The following RGS14 variants were observed in gnomAD, a reference collection of about 807,000 sequenced individuals.
The protein encoded by RGS14 is regulator of G-protein signaling 14.
Under a neutral mutation model 63.8 loss-of-function variants are expected in RGS14, and 33 were observed. The observed-to-expected ratio is 0.52, with a 90% confidence interval of 0.39 to 0.69. RGS14 has a LOEUF of 0.69. Ranked by LOEUF, RGS14 falls within the 30% of genes least tolerant of loss-of-function variation. The pLI, the probability that RGS14 is intolerant of heterozygous loss-of-function variation, is 0.00. For missense variants in RGS14, 739 were observed against 742.9 expected (o/e 0.99, Z 0.06); for synonymous variants, 296 against 320.9 (o/e 0.92, Z 0.83).
intron 10 of RGS14, 49 bp downstream of exon 10, chr5:177,370,713 C>T (rs1208002153): frequency 6.3e-7 from 1 of 1,598,038 alleles, no homozygotes; most frequent in Non-Finnish European, 8.6e-7. Flanking sequence ...ACGCTCCCTT[C>T]AGGCCCTGTT....
rs1761884868 is a variant in RGS14 at position 177,358,689 on chromosome 5, C to T, written c.45+620C>T. 6.6e-6 allele frequency among the ~76,000 whole-genome samples: 1 copy of T among 152,236 alleles called. No individual in the cohort carries two copies. Among genetic ancestry groups the T allele is most frequent in the Non-Finnish European group, 1.5e-5 (1 of 68,038 alleles). ...GGCTGCAGCTGCCCCACCCCTTAAC[C>T]CTCTCCCTGGCTGCTTAGCCCCAGA... On this transcript the variant is annotated intron_variant, in intron 1 of 14. Coordinates refer to ENST00000408923, the MANE Select transcript of RGS14 (RefSeq NM_006480.5). This position sits in a 1 kb window ranked among gnomAD's most constrained non-coding sequence, Gnocchi z 4.8.
rs1762251870 is a variant in RGS14 at position 177,371,099 on chromosome 5, G to GGGCCGGGGCCGGGGCC, written c.1255-64_1255-63insCCGGGGCCGGGGCCGG. On this transcript the variant is annotated intron_variant, in intron 11 of 14. Coordinates refer to ENST00000408923, the MANE Select transcript of RGS14 (RefSeq NM_006480.5). This position sits in a 1 kb window ranked among gnomAD's most constrained non-coding sequence, Gnocchi z 6.1. ...CGGGGCCGGGGCCGGGGCCGGGGCC[G>GGGCCGGGGCCGGGGCC]GGGCCGGGGCCGGGGCCGGGGCCGG... 4 of 915,088 alleles carry GGGCCGGGGCCGGGGCC rather than the reference G, an allele frequency of 4.4e-6. No individual in the cohort carries two copies. In the African/African-American group the frequency reaches 9.4e-5, roughly 22 times the overall value. The allele number at this position is 915,088 out of a possible 1,614,324, so 56.7% of individuals were successfully genotyped here. A position where few individuals can be genotyped will look rare whatever the true frequency, so the allele number is the denominator to read the frequency against.
chr5:177,367,908 G>T, intron 7 of RGS14, 83 bp downstream of exon 7: 2 of 1,457,990 alleles, frequency 1.4e-6, no homozygotes, highest in South Asian at 1.4e-5. Flanking sequence ...CTCCTACGTG[G>T]CCCACAGTCT....
chr5:177,371,041 C>G lies in RGS14; in HGVS notation c.1254+10C>G. The stretch of plus-strand genomic sequence containing the variant: ...GGTGGTGCTGCACCGGGTGAGCTTC[C>G]GGGCCGCGGGGCGGGGCGGGGCGGG... On this transcript the variant is annotated intron_variant, in intron 11 of 14. Transcript: ENST00000408923. This position sits in a 1 kb window ranked among gnomAD's most constrained non-coding sequence, Gnocchi z 6.1. 1.4e-6 allele frequency: 2 copies of G among 1,386,804 alleles called. No homozygotes were observed. The highest frequency in any genetic ancestry group is 1.9e-6 in the Non-Finnish European group (2 of 1,074,584). The allele number at this position is 1,386,804 out of a possible 1,614,324, so 85.9% of individuals were successfully genotyped here.
Position 177,371,057 on chromosome 5 carries a change from GCGGGGCGGGGC to G in RGS14, c.1254+31_1254+41del. 1.1e-5 allele frequency: 13 copies of G among 1,142,590 alleles called. No homozygotes were observed. The highest frequency in any genetic ancestry group is 4.8e-5 in the South Asian group (2 of 41,542). The allele number at this position is 1,142,590 out of a possible 1,614,324, so 70.8% of individuals were successfully genotyped here. The stretch of plus-strand genomic sequence containing the variant: ...GTGAGCTTCCGGGCCGCGGGGCGGG[GCGGGGCGGGGC>G]CGGGCCGGGGCCGGGGCCGGGGCCG... On this transcript the variant is annotated intron_variant, in intron 11 of 14. Transcript: ENST00000408923. The surrounding 1 kb of genome is among the most constrained non-coding windows in gnomAD (Gnocchi z 6.1).
intron 1 of RGS14, among the ~76,000 whole-genome samples, chr5:177,360,359 A>C (rs1178891676): frequency 6.6e-6 from 1 of 151,918 alleles, no homozygotes; most frequent in Non-Finnish European, 1.5e-5. Flanking sequence ...GGATCGCTTG[A>C]GCCCAGGAGT....
chr5:177,368,348 C>G, intron 8 of RGS14, 82 bp downstream of exon 8: 1 of 1,405,762 alleles, frequency 7.1e-7, no homozygotes, highest in East Asian at 2.4e-5. Flanking sequence ...GCCCTCATTC[C>G]AAGTTGCTGT....
Position 177,358,104 on chromosome 5 carries a change from G to A in RGS14, c.45+35G>A, listed in dbSNP as rs780704434. 3 of 1,326,506 alleles carry A rather than the reference G, an allele frequency of 2.3e-6. No individual in the cohort carries two copies. The highest frequency in any genetic ancestry group is 2.9e-6 in the Non-Finnish European group (3 of 1,028,828). The allele number at this position is 1,326,506 out of a possible 1,614,324, so 82.2% of individuals were successfully genotyped here. ...GGCTCCGGGCCAGGGCCACGAGGAG[G>A]GGGTGGGCACACCCAGGGTGGAGCC... is the stretch of plus-strand genomic sequence containing the variant. On this transcript the variant is annotated intron_variant, in intron 1 of 14. Transcript: ENST00000408923. The surrounding 1 kb of genome is among the most constrained non-coding windows in gnomAD (Gnocchi z 4.8).
Position 177,367,810 on chromosome 5 carries a change from A to T in RGS14, c.724A>T (p.Lys242Ter). 1 of 1,597,298 alleles carries T rather than the reference A, an allele frequency of 6.3e-7. No individual in the cohort carries two copies. Among genetic ancestry groups the T allele is most frequent in the Non-Finnish European group, 8.5e-7 (1 of 1,171,288 alleles). Residue 242 changes from lysine (K) to a stop codon, truncating the protein, a stop_gained, in exon 7 of 15, where the codon AAG becomes TAG. Transcript: ENST00000408923. LOFTEE classifies it high-confidence loss of function. Reference sequence around the variant, plus strand: ...GGGTCCTGGGGGCCGCCCTCTCCGCAAGTCCTTCCGCCGGGGTGAGGGCAG... The same window carrying T: ...GGGTCCTGGGGGCCGCCCTCTCCGCTAGTCCTTCCGCCGGGGTGAGGGCAG... ...VEGPGGRPLR[K>*]SFRRELGGTA... is the part of the protein sequence containing the mutation.
chr5:177,366,887 T>G lies in RGS14; in HGVS notation c.340-4T>G. 6.2e-7 allele frequency: 1 copy of G among 1,613,496 alleles called. No individual in the cohort carries two copies. Among genetic ancestry groups the G allele is most frequent in the Non-Finnish European group, 8.5e-7 (1 of 1,179,562 alleles). On this transcript the variant is annotated splice_polypyrimidine_tract_variant and splice_region_variant and intron_variant, in intron 4 of 14. Coordinates refer to ENST00000408923, the MANE Select transcript of RGS14 (RefSeq NM_006480.5). The stretch of plus-strand genomic sequence containing the variant: ...ACCAACTCCTCCTGTCCCTCCTCCT[T>G]CAGCTAGCTCAGGAGGCCCGCAACA...
intron 1 of RGS14, among the ~76,000 whole-genome samples, chr5:177,361,929 C>A (rs1369596687): frequency 6.6e-6 from 1 of 152,172 alleles, no homozygotes; most frequent in Non-Finnish European, 1.5e-5. Flanking sequence ...GGAGGCCAGC[C>A]CTGCTCAACA....
Position 177,368,765 on chromosome 5 carries a change from C to A in RGS14, c.898C>A (p.Pro300Thr), listed in dbSNP as rs762477758. The change falls in exon 9 of 15, where the codon CCA (proline) becomes ACA (threonine). Residue 300 changes from proline (P) to threonine (T), a missense_variant. Pro to Thr is a conservative substitution (Grantham distance 38). Coordinates refer to ENST00000408923, the MANE Select transcript of RGS14 (RefSeq NM_006480.5). ...CACGGAGGGTGAAAGTGAAAGCCGG[C>A]CAGGGAAGTACTGCTGTGTGTACCT... ...GSTEGESESR[P>T]GKYCCVYLPD... 6.2e-7 allele frequency: 1 copy of A among 1,614,260 alleles called. No individual in the cohort carries two copies. Among genetic ancestry groups the A allele is most frequent in the Non-Finnish European group, 8.5e-7 (1 of 1,180,052 alleles).
chr5:177,371,705 G>A lies in RGS14; in HGVS notation c.1498+116G>A. On this transcript the variant is annotated intron_variant, in intron 14 of 14. Coordinates refer to ENST00000408923, the MANE Select transcript of RGS14 (RefSeq NM_006480.5). This position sits in a 1 kb window ranked among gnomAD's most constrained non-coding sequence, Gnocchi z 6.1. ...AGGGGGCTGGGTGCCACTGGGCGTG[G>A]AACAGGAAGGATGGGGGTTGGGGGG... 9.0e-7 allele frequency: 1 copy of A among 1,109,716 alleles called. No homozygotes were observed. The highest frequency in any genetic ancestry group is 1.3e-6 in the Non-Finnish European group (1 of 770,958). 68.7% of individuals were successfully genotyped at this position (1,109,716 alleles called of 1,614,324 possible). A position where few individuals can be genotyped will look rare whatever the true frequency, so the allele number is the denominator to read the frequency against.
chr5:177,367,405 G>T lies in RGS14; in HGVS notation c.484-9G>T. 5 of 1,593,654 alleles carry T rather than the reference G, an allele frequency of 3.1e-6. No individual in the cohort carries two copies. The highest frequency in any genetic ancestry group is 3.4e-6 in the Non-Finnish European group (4 of 1,168,556). ...GCCCCGGCTCACCTGTTCCGGGGTC[G>T]CCCCGCAGATCTTCAACTTGATGAA... On this transcript the variant is annotated splice_polypyrimidine_tract_variant and intron_variant, in intron 5 of 14. Transcript: ENST00000408923.
At position 177,363,295 on chromosome 5, in the gene RGS14, G is replaced by A. The variant is rs150802065; in HGVS notation, c.46-2668G>A. On this transcript the variant is annotated intron_variant, in intron 1 of 14. Transcript: ENST00000408923. The stretch of plus-strand genomic sequence containing the variant: ...GCGGGGAGGACAGAGCGGGGAGCAC[G>A]AGAGCAGGGCCAGGAGGGGCGGGGC... 6.6e-3 allele frequency among the ~76,000 whole-genome samples: 1,010 copies of A among 152,018 alleles called. 11 individuals are homozygous for A. The highest frequency in any genetic ancestry group is 0.022 in the African/African-American group (931 of 41,420).
rs190740835 is a variant in RGS14 at position 177,359,309 on chromosome 5, C to T, written c.45+1240C>T. ...CCCCCCATCTCACTGTCTGCAGTAC[C>T]GACCCCACAACGAAAGTGCAAAAAG... On this transcript the variant is annotated intron_variant, in intron 1 of 14. Transcript: ENST00000408923. The surrounding 1 kb of genome is among the most constrained non-coding windows in gnomAD (Gnocchi z 4.4). Among the ~76,000 whole-genome samples the T allele has an allele frequency of 1.3e-4, 20 of 152,284 alleles. No homozygotes were observed. The highest frequency in any genetic ancestry group is 7.2e-4 in the Admixed American group (11 of 15,306).
chr5:177,370,636 G>A lies in RGS14; in HGVS notation c.1099G>A (p.Val367Met), dbSNP rs1343967665. The A allele has an allele frequency of 6.2e-7, 1 of 1,614,108 alleles. No homozygotes were observed. The highest frequency in any genetic ancestry group is 1.1e-5 in the South Asian group (1 of 91,088). The change falls in exon 10 of 15, where the codon GTG becomes ATG. Residue 367 changes from valine to methionine, a missense_variant. Coordinates refer to ENST00000408923, the MANE Select transcript of RGS14 (RefSeq NM_006480.5). ...QDCTVLADQEVRLENRITFEL... is the reference protein window; with the variant it reads ...QDCTVLADQEMRLENRITFEL... ...CTGCACCGTGCTGGCGGATCAGGAA[G>A]TGCGGCTGGAAAACAGGATCACCTT...
At chr5:177,366,578 G>A (rs576152941) in intron 3 of RGS14, 130 bp from the exon 4 acceptor site, 1 of 909,998 alleles carries the variant, frequency 1.1e-6, no homozygotes, top group South Asian at 1.5e-5. Flanking sequence ...GGCTCCGTCT[G>A]TCTGTCTGGC....
intron 9 of RGS14, among the ~76,000 whole-genome samples, chr5:177,369,771 A>G (rs1762195540): frequency 6.6e-6 from 1 of 152,218 alleles, no homozygotes; most frequent in African/African-American, 2.4e-5. Flanking sequence ...GTGCGAGGGC[A>G]GTAGTGGGAG....
Sources: allele counts gnomAD v4.1 joint callset (sites outside exome capture counted in the v4.1 genomes callset), GRCh38; gene constraint gnomAD v4.1.1; non-coding constraint Gnocchi (gnomAD v3.1); transcripts MANE v1.5; gene names NCBI Gene and HGNC (gene_info 2026-07-23, HGNC 2026-07-21).